Variants in FAM107B observed in about 807,000 individuals in gnomAD.
FAM107B encodes family with sequence similarity 107 member B.
FAM107B carries 21 observed loss-of-function variants against 31.5 expected under a neutral mutation model. The observed-to-expected ratio is 0.67, with a 90% CI of 0.47 to 0.96. The LOEUF (loss-of-function observed/expected upper bound fraction) is 0.96. Among genes scored for constraint, FAM107B ranks in the 40% least tolerant of loss-of-function variants. The probability of loss-of-function intolerance (pLI) is 0.00; values close to 1 mark genes in which losing one functional copy is unlikely to be tolerated. For synonymous variants in FAM107B, 157 were observed against 141.5 expected (o/e 1.11, Z -0.78); for missense variants, 452 against 377.1 (o/e 1.20, Z -1.64).
intron 2 of FAM107B, among the ~76,000 whole-genome samples, chr10:14,560,965 C>T (rs766470047): frequency 7.9e-5 from 12 of 152,112 alleles, no homozygotes; most frequent in Non-Finnish European, 1.5e-4. Flanking sequence ...GTGGCCATCC[C>T]GTCATAATTT....
intron 2 of FAM107B, among the ~76,000 whole-genome samples, chr10:14,585,199 T>G (rs1282826919): frequency 6.6e-6 from 1 of 152,230 alleles, no homozygotes; most frequent in Non-Finnish European, 1.5e-5. Context: ...TTTCTGCTTT[T>G]GTTGCTTCAT....
intron 3 of FAM107B, among the ~76,000 whole-genome samples, chr10:14,526,587 C>T (rs1846260127): frequency 6.6e-6 from 1 of 152,202 alleles, no homozygotes; most frequent in African/African-American, 2.4e-5. Flanking sequence ...ATACTTGTAT[C>T]CTTTATCTCT....
rs12253550 is a variant in FAM107B at position 14,764,101 on chromosome 10, T to G, written c.411+10152A>C. Among the ~76,000 whole-genome samples, 1,139 of 152,390 alleles carry G rather than the reference T, an allele frequency of 7.5e-3. 13 individuals are homozygous for G. The highest frequency in any genetic ancestry group is 0.026 in the African/African-American group (1,068 of 41,590). ...GGTGAGAGTGGTTTTACAAAAGAGA[T>G]AACTTTGAATTAACTCTAGGTGTTC... On this transcript the variant is annotated intron_variant, in intron 1 of 4. Coordinates refer to ENST00000181796, the MANE Select transcript of FAM107B (RefSeq NM_031453.4).
chr10:14,620,579 C>T (rs1349573450), intron 2 of FAM107B, among the ~76,000 whole-genome samples: 6 of 152,020 alleles, frequency 3.9e-5, no homozygotes, highest in Admixed American at 3.9e-4. Context: ...ATGTGCAGAA[C>T]ATGCAGGTTT....
intron 3 of FAM107B, among the ~76,000 whole-genome samples, chr10:14,526,678 A>T (rs1190565194): frequency 6.6e-6 from 1 of 152,248 alleles, no homozygotes; most frequent in African/African-American, 2.4e-5. Context: ...GCATGCCAAA[A>T]GAATGTCAGC....
chr10:14,541,055 T>G (rs1264078016), intron 2 of FAM107B, among the ~76,000 whole-genome samples: 1 of 152,036 alleles, frequency 6.6e-6, no homozygotes, highest in Non-Finnish European at 1.5e-5. Context: ...CTCCCAAAGG[T>G]TCTATCTCAC....
At chr10:14,730,473 C>A (rs1486293278) in intron 1 of FAM107B, among the ~76,000 whole-genome samples, 1 of 152,152 alleles carries the variant, frequency 6.6e-6, no homozygotes, top group Non-Finnish European at 1.5e-5. Flanking sequence ...CATTAGGAAG[C>A]CCAGGGAGGG....
At chr10:14,641,723 G>T (rs1853632973) in intron 2 of FAM107B, among the ~76,000 whole-genome samples, 1 of 152,144 alleles carries the variant, frequency 6.6e-6, no homozygotes, top group African/African-American at 2.4e-5. Context: ...TCTCCCAAAT[G>T]CCCTATCTCC....
At chr10:14,771,989 CTCTT>C (rs2131601918) in intron 1 of FAM107B, among the ~76,000 whole-genome samples, 1 of 152,306 alleles carries the variant, frequency 6.6e-6, no homozygotes, top group African/African-American at 2.4e-5. Context: ...GCCACATCCT[CTCTT>C]TGTGGCCTTG....
intron 1 of FAM107B, among the ~76,000 whole-genome samples, chr10:14,738,669 C>T (rs1402898954): frequency 6.6e-6 from 1 of 152,096 alleles, no homozygotes; most frequent in Non-Finnish European, 1.5e-5. Flanking sequence ...CTGTAGGCCT[C>T]GGGAAGGTAA....
chr10:14,706,302 A>G (rs1250322810), intron 1 of FAM107B, among the ~76,000 whole-genome samples: 3 of 152,010 alleles, frequency 2.0e-5, no homozygotes, highest in Non-Finnish European at 4.4e-5. Context: ...TCAAACTCCA[A>G]ATTGTTTTTT....
intron 1 of FAM107B, among the ~76,000 whole-genome samples, chr10:14,770,387 G>A (rs1284544208): frequency 6.6e-6 from 1 of 152,118 alleles, no homozygotes; most frequent in East Asian, 1.9e-4. Flanking sequence ...GCCAGGCGTG[G>A]TGGCTGGCGC....
In FAM107B at chr10:14,714,976, A is replaced by G. The variant is rs114990585; in HGVS notation, c.412-47285T>C. Among the ~76,000 whole-genome samples the G allele has an allele frequency of 6.6e-3, 1,003 of 152,276 alleles. 8 individuals carry two copies. Among genetic ancestry groups the G allele is most frequent in the African/African-American group, 0.022 (903 of 41,540 alleles). On this transcript the variant is annotated intron_variant, in intron 1 of 4. Coordinates refer to ENST00000181796, the MANE Select transcript of FAM107B (RefSeq NM_031453.4). ...GAGACCACCAAATATTAATATTTGG[A>G]TGTTGACATAAGAAGCAGGTGGTCC... is the stretch of plus-strand genomic sequence containing the variant.
intron 1 of FAM107B, among the ~76,000 whole-genome samples, chr10:14,748,105 T>G (rs985956655): frequency 6.6e-6 from 1 of 152,228 alleles, no homozygotes; most frequent in Non-Finnish European, 1.5e-5. Context: ...ATCAAAGCAC[T>G]TACTGTACCA....
intron 2 of FAM107B, among the ~76,000 whole-genome samples, chr10:14,560,769 T>C (rs1351842660): frequency 6.6e-6 from 1 of 152,222 alleles, no homozygotes; most frequent in Non-Finnish European, 1.5e-5. Flanking sequence ...GGGTGGCTCC[T>C]ACCACCTCCA....
In FAM107B at chr10:14,774,202, C is replaced by T. The variant is rs562930460; in HGVS notation, c.411+51G>A. 26 of 1,550,922 alleles carry T rather than the reference C, an allele frequency of 1.7e-5. No homozygotes were observed. In the Admixed American group the frequency reaches 3.0e-4, roughly 18 times the overall value. Reference sequence around the variant, plus strand: ...TGAAACATTCGCCACATGATCCCAACGCTCCTCCAGCTCCATCCCGTCTAT... The same window carrying T: ...TGAAACATTCGCCACATGATCCCAATGCTCCTCCAGCTCCATCCCGTCTAT... On this transcript the variant is annotated intron_variant, in intron 1 of 4. Coordinates refer to ENST00000181796, the MANE Select transcript of FAM107B (RefSeq NM_031453.4).
At chr10:14,647,238 A>C (rs1853779311) in intron 2 of FAM107B, among the ~76,000 whole-genome samples, 1 of 152,228 alleles carries the variant, frequency 6.6e-6, no homozygotes, top group South Asian at 2.1e-4. Flanking sequence ...ATATTTTAAA[A>C]GGTACAGACA....
chr10:14,722,686 C>A lies in FAM107B; in HGVS notation c.411+51567G>T, dbSNP rs144716695. On this transcript the variant is annotated intron_variant, in intron 1 of 4. Coordinates refer to ENST00000181796, the MANE Select transcript of FAM107B (RefSeq NM_031453.4). ...ATTGATCTTTTTATTGTTAAGTTGC[C>A]AGAGTTCTCTATATATTCTAGATAT... Among the ~76,000 whole-genome samples the A allele has an allele frequency of 3.4e-3, 523 of 152,170 alleles. 12 individuals carry two copies. The East Asian group carries it at 0.046, about 13-fold the overall frequency.
At chr10:14,770,516 C>T (rs770288487) in intron 1 of FAM107B, among the ~76,000 whole-genome samples, 54 of 152,106 alleles carry the variant, frequency 3.6e-4, no homozygotes, top group Middle Eastern at 3.4e-3. Flanking sequence ...GAGCAAGACT[C>T]TGCCTCAAAA....
Sources: gnomAD v4.1 joint callset for allele counts (sites outside exome capture counted in the v4.1 genomes callset) on GRCh38, gnomAD v4.1.1 for gene constraint, MANE v1.5 for transcripts, NCBI Gene and HGNC (gene_info 2026-07-23, HGNC 2026-07-21) for gene names.